RALGPS2: variants seen among roughly 807,000 people sequenced by gnomAD.
The protein encoded by RALGPS2 is ras-specific guanine nucleotide-releasing factor RalGPS2.
A neutral mutation model predicts 86.8 loss-of-function variants in RALGPS2; 43 were observed. That is an observed-to-expected ratio of 0.50 (90% CI 0.39 to 0.64). The LOEUF (loss-of-function observed/expected upper bound fraction) is 0.64. RALGPS2 is among the 30% of genes least tolerant of loss of function. RALGPS2 has a pLI of 0.00. For missense variants in RALGPS2, 536 were observed against 694.6 expected, an observed-to-expected ratio of 0.77 and a Z score of 2.57; for synonymous variants, 243 against 231.3, an observed-to-expected ratio of 1.05 and a Z score of -0.46.
At position 178,916,374 on chromosome 1, in the gene RALGPS2, A is replaced by T; in HGVS notation, c.*15A>T. 1 of 1,595,442 alleles carries T rather than the reference A, an allele frequency of 6.3e-7. No homozygotes were observed. Among genetic ancestry groups the T allele is most frequent in the Non-Finnish European group, 8.6e-7 (1 of 1,163,990 alleles). The stretch of plus-strand genomic sequence containing the variant: ...CTTTTGAGTAGAAGCCTGAGAAAAA[A>T]AGAGAGGTGAACTGTTGCTTCTACG... On this transcript the variant is annotated 3_prime_UTR_variant, in exon 20 of 20. Transcript: ENST00000367635.
At chr1:178,903,453 G>A (rs899281521) in intron 18 of RALGPS2, among the ~76,000 whole-genome samples, 13 of 151,892 alleles carry the variant, frequency 8.6e-5, no homozygotes, top group East Asian at 3.9e-4. Flanking sequence ...CCCATCACCC[G>A]AGCAGCATAC....
chr1:178,888,420 A>G (rs1422699318), intron 13 of RALGPS2, among the ~76,000 whole-genome samples: 2 of 152,222 alleles, frequency 1.3e-5, no homozygotes, highest in Non-Finnish European at 2.9e-5. Context: ...ACCAGTGCTT[A>G]GAACAATGGC....
At chr1:178,739,218 A>T (rs1014373825) in intron 1 of RALGPS2, among the ~76,000 whole-genome samples, 22 of 152,214 alleles carry the variant, frequency 1.4e-4, no homozygotes, top group Non-Finnish European at 1.8e-4. Flanking sequence ...TATCTTATGG[A>T]TAAGAAACTC....
rs1660852630 is a variant in RALGPS2 at position 178,917,507 on chromosome 1, G to A, written c.*1148G>A. 2 of 152,002 alleles carry A rather than the reference G, an allele frequency of 1.3e-5. No individual in the cohort carries two copies. The highest frequency in any genetic ancestry group is 1.3e-4 in the Admixed American group (2 of 15,264). 9.4% of individuals were successfully genotyped at this position (152,002 alleles called of 1,614,324 possible). On this transcript the variant is annotated 3_prime_UTR_variant, in exon 20 of 20. Coordinates refer to ENST00000367635, the MANE Select transcript of RALGPS2 (RefSeq NM_152663.5). ...AAGACATACAAAATAATTTTAAGAG[G>A]GATAAAGGTGAAAATATCAGATTCT...
In RALGPS2 at chr1:178,833,619, A is replaced by G. The variant is rs553763481; in HGVS notation, c.607+69A>G. The G allele has an allele frequency of 1.8e-5, 27 of 1,491,680 alleles. No homozygotes were observed. In the African/African-American group the frequency reaches 2.2e-4, roughly 12 times the overall value. 92.4% of individuals were successfully genotyped at this position (1,491,680 alleles called of 1,614,324 possible). A position where few individuals can be genotyped will look rare whatever the true frequency, so the allele number is the denominator to read the frequency against. ...TTCCTTACTCAGTAATTTATGTGAA[A>G]TTCAAGGTATTTTTTAAATGTTTGT... is the stretch of plus-strand genomic sequence containing the variant. On this transcript the variant is annotated intron_variant, in intron 8 of 19. Coordinates refer to ENST00000367635, the MANE Select transcript of RALGPS2 (RefSeq NM_152663.5).
chr1:178,861,379 C>G (rs187921640), intron 8 of RALGPS2, among the ~76,000 whole-genome samples: 3 of 151,412 alleles, frequency 2.0e-5, no homozygotes, highest in Admixed American at 2.0e-4. Flanking sequence ...TTCATTAAAA[C>G]AAAATGTGTT....
chr1:178,885,065 TTAACCCTTAGGTCCTGAAGTAGG>T lies in RALGPS2; in HGVS notation c.905-10_917del. The T allele has an allele frequency of 6.4e-7, 1 of 1,563,086 alleles. No homozygotes were observed. The highest frequency in any genetic ancestry group is 8.6e-7 in the Non-Finnish European group (1 of 1,162,182). On this transcript the variant is annotated splice_acceptor_variant and splice_polypyrimidine_tract_variant and coding_sequence_variant and intron_variant, in exon 12 of 20. Transcript: ENST00000367635. LOFTEE classifies it high-confidence loss of function. ...TAATCATTTGAAAATCTCTTTAAAT[TTAACCCTTAGGTCCTGAAGTAGG>T]AGCGTCTCCACAGAGTGGACGAAAA...
At chr1:178,909,991 G>A (rs114106110) in intron 19 of RALGPS2, among the ~76,000 whole-genome samples, 4,590 of 152,080 alleles carry the variant, frequency 0.03, 226 homozygotes, top group African/African-American at 0.1. Context: ...TTGATTAGCT[G>A]TATCCCTAGA....
chr1:178,821,035 G>T (rs1655479042), intron 6 of RALGPS2, among the ~76,000 whole-genome samples: 1 of 152,196 alleles, frequency 6.6e-6, no homozygotes, highest in Non-Finnish European at 1.5e-5. Flanking sequence ...GGAAACTAGT[G>T]TTAGGTAGGA....
intron 1 of RALGPS2, among the ~76,000 whole-genome samples, chr1:178,766,689 A>T (rs1652524954): frequency 6.6e-6 from 1 of 151,730 alleles, no homozygotes; most frequent in Non-Finnish European, 1.5e-5. Context: ...TTTTTCTTTC[A>T]TTTTGACCTT....
At chr1:178,753,480 A>T (rs528286173) in intron 1 of RALGPS2, among the ~76,000 whole-genome samples, 2 of 152,252 alleles carry the variant, frequency 1.3e-5, no homozygotes, top group South Asian at 4.2e-4. Context: ...TGAGGCAAAA[A>T]TTTATGGATA....
At chr1:178,804,603 G>T (rs1281699723) in intron 4 of RALGPS2, among the ~76,000 whole-genome samples, 1 of 115,526 alleles carries the variant, frequency 8.7e-6, no homozygotes, top group Non-Finnish European at 1.7e-5. Context: ...CAGAGGACAT[G>T]AACTCATCAT....
intron 4 of RALGPS2, among the ~76,000 whole-genome samples, chr1:178,803,347 A>C (rs1283989250): frequency 6.6e-6 from 1 of 152,172 alleles, no homozygotes; most frequent in African/African-American, 2.4e-5. Flanking sequence ...GTGGTTTGAT[A>C]AGTTTAATTT....
At chr1:178,878,283 CA>C (rs1271136185) in intron 9 of RALGPS2, among the ~76,000 whole-genome samples, 1 of 151,982 alleles carries the variant, frequency 6.6e-6, no homozygotes, top group African/African-American at 2.4e-5. Context: ...GCTGTTAATA[CA>C]TAATTTTTAT....
rs866959935 is a variant in RALGPS2, at chr1:178,834,873, G to A, written c.607+1323G>A. Reference sequence around the variant, plus strand: ...GCTTGCTGCAGCCTCTGCCTTCCAAGTTCAAGTGATTCTCCTGCTTCAGCC... The same window carrying A: ...GCTTGCTGCAGCCTCTGCCTTCCAAATTCAAGTGATTCTCCTGCTTCAGCC... On this transcript the variant is annotated intron_variant, in intron 8 of 19. Transcript: ENST00000367635. 7.9e-5 allele frequency among the ~76,000 whole-genome samples: 12 copies of A among 152,258 alleles called. No individual in the cohort carries two copies. The South Asian group carries it at 2.1e-3, about 26-fold the overall frequency.
chr1:178,899,499 T>A (rs529866685), intron 17 of RALGPS2, among the ~76,000 whole-genome samples: 2 of 151,952 alleles, frequency 1.3e-5, no homozygotes, highest in African/African-American at 4.8e-5. Flanking sequence ...AAAAAAATTT[T>A]AATCGTTTTC....
intron 1 of RALGPS2, among the ~76,000 whole-genome samples, chr1:178,752,162 G>A (rs1022542001): frequency 8.7e-5 from 13 of 149,768 alleles, no homozygotes; most frequent in African/African-American, 2.5e-4. Context: ...CTGAGACAGG[G>A]TGTCACTCTG....
chr1:178,892,137 C>G, intron 14 of RALGPS2, 93 bp from the exon 15 acceptor site: 1 of 1,102,316 alleles, frequency 9.1e-7, no homozygotes, highest in East Asian at 2.6e-5. Context: ...AGCTATATTA[C>G]AAGAAGAAAC....
At chr1:178,760,095 A>T (rs1332895862) in intron 1 of RALGPS2, among the ~76,000 whole-genome samples, 1 of 152,098 alleles carries the variant, frequency 6.6e-6, no homozygotes, top group Non-Finnish European at 1.5e-5. Context: ...TGATTGCCCT[A>T]GCTAGGACTT....
Sources: allele counts gnomAD v4.1 joint callset (sites outside exome capture counted in the v4.1 genomes callset), GRCh38; gene constraint gnomAD v4.1.1; transcripts MANE v1.5; gene names NCBI Gene and HGNC (gene_info 2026-07-23, HGNC 2026-07-21).